SIL1: variants seen among roughly 807,000 people sequenced by gnomAD.
SIL1 encodes the protein SIL1 nucleotide exchange factor.
Under a neutral mutation model 49.1 loss-of-function variants are expected in SIL1, and 40 were observed. That is an observed-to-expected ratio of 0.81 (90% confidence interval 0.63 to 1.06). SIL1 has a LOEUF of 1.06. SIL1 is among the 50% of genes least tolerant of loss of function. The pLI, the probability that SIL1 is intolerant of heterozygous loss-of-function variation, is 0.00. For missense variants in SIL1, 500 were observed against 572.6 expected, an observed-to-expected ratio of 0.87 and a Z score of 1.29; for synonymous variants, 253 against 250.8, an observed-to-expected ratio of 1.01 and a Z score of -0.08.
In SIL1 at chr5:139,121,142, C is replaced by T. The variant is rs753735669; in HGVS notation, c.137G>A (p.Ser46Asn). 1 of 1,614,200 alleles carries T rather than the reference C, an allele frequency of 6.2e-7. No homozygotes were observed. Among genetic ancestry groups the T allele is most frequent in the Non-Finnish European group, 8.5e-7 (1 of 1,180,026 alleles). Reference protein sequence around the residue: ...KEFALTNPEKSSTKETERKET... With the variant: ...KEFALTNPEKNSTKETERKET... ...TTTTCTCTCTGTTTCTTTGGTGCTG[C>T]TCTTCTCTGGGTTGGTCAGGGCAAA... The change falls in exon 3 of 10, where the codon AGC becomes AAC. Residue 46 changes from serine (S) to asparagine (N), a missense_variant. Ser to Asn is a conservative substitution (Grantham distance 46). Transcript: ENST00000394817.
intron 1 of SIL1, among the ~76,000 whole-genome samples, chr5:139,136,736 C>T (rs927092075): frequency 6.6e-6 from 1 of 152,036 alleles, no homozygotes; most frequent in African/African-American, 2.4e-5. Context: ...AATGGGTCCA[C>T]TAAATTTTGA....
At chr5:139,020,988 G>A (rs1768512067) in intron 7 of SIL1, 183 bp downstream of exon 7, 1 of 740,688 alleles carries the variant, frequency 1.4e-6, no homozygotes, top group Non-Finnish European at 2.3e-6. Flanking sequence ...GAGAGTCACA[G>A]ATGGTGACAA....
intron 7 of SIL1, chr5:139,016,894 TG>T (rs1265077578): frequency 6.6e-6 from 1 of 152,172 alleles, no homozygotes; most frequent in African/African-American, 2.4e-5. Flanking sequence ...TCACCTAGGC[TG>T]GAGTGCAATG....
chr5:139,102,708 CTTT>C (rs66644479), intron 3 of SIL1, among the ~76,000 whole-genome samples: 11 of 137,976 alleles, frequency 8.0e-5, no homozygotes, highest in Admixed American at 7.2e-5. Flanking sequence ...CTGCTTTTTT[CTTT>C]TTTTTTTTTT....
chr5:139,030,582 T>A (rs1483908315), intron 5 of SIL1, among the ~76,000 whole-genome samples: 1 of 147,678 alleles, frequency 6.8e-6, no homozygotes, highest in Non-Finnish European at 1.5e-5. Context: ...ATCCTGCCAC[T>A]GCACTCCAGC....
chr5:139,170,954 G>T (rs1445866424), intron 1 of SIL1, among the ~76,000 whole-genome samples: 1 of 146,892 alleles, frequency 6.8e-6, no homozygotes, highest in Non-Finnish European at 1.5e-5. Flanking sequence ...GGAGGTGGGG[G>T]GGTCAGTCCC....
chr5:138,984,674 A>G (rs1319681956), intron 7 of SIL1, among the ~76,000 whole-genome samples: 2 of 152,068 alleles, frequency 1.3e-5, no homozygotes, highest in Non-Finnish European at 2.9e-5. Flanking sequence ...TGCATTCTTG[A>G]GGCCTGTGAG....
At chr5:139,020,427 T>C (rs759339115) in intron 7 of SIL1, among the ~76,000 whole-genome samples, 1 of 152,252 alleles carries the variant, frequency 6.6e-6, no homozygotes, top group Non-Finnish European at 1.5e-5. Context: ...CATCTAAGCA[T>C]CTAATAGCCT....
intron 3 of SIL1, among the ~76,000 whole-genome samples, chr5:139,092,403 C>G (rs1357649225): frequency 2.0e-5 from 3 of 152,204 alleles, no homozygotes; most frequent in African/African-American, 7.2e-5. Context: ...TTGAACCCAA[C>G]TGTGATATTT....
At chr5:139,160,073 C>T (rs1387437661) in intron 1 of SIL1, among the ~76,000 whole-genome samples, 1 of 151,784 alleles carries the variant, frequency 6.6e-6, no homozygotes, top group Non-Finnish European at 1.5e-5. Flanking sequence ...CACAGATTCA[C>T]AAATGACAGT....
rs761095369 is a variant in SIL1, at chr5:138,947,221, C to G, written c.1282G>C (p.Glu428Gln). 106 of 1,613,114 alleles carry G rather than the reference C, an allele frequency of 6.6e-5. No homozygotes were observed. The highest frequency in any genetic ancestry group is 1.6e-4 in the Middle Eastern group (1 of 6,084). ...TCCAGGCTGGCCAGCACCTGGTACT[C>G]AGCCTGCAGGCTGGCCAGTGTCCTG... ...LGRTLASLQA[E>Q]YQVLASLELQ... Residue 428 changes from glutamate to glutamine, a missense_variant, in exon 10 of 10, where the codon GAG (glutamate) becomes CAG (glutamine). By Grantham distance (29) the Glu-to-Gln change is conservative. Coordinates refer to ENST00000394817, the MANE Select transcript of SIL1 (RefSeq NM_022464.5). The surrounding 1 kb of genome is among the most constrained non-coding windows in gnomAD (Gnocchi z 4.1).
At chr5:139,170,309 C>T (rs1394475932) in intron 1 of SIL1, among the ~76,000 whole-genome samples, 25 of 151,908 alleles carry the variant, frequency 1.6e-4, no homozygotes, top group African/African-American at 3.1e-4. Context: ...AAGTGAGGAG[C>T]GTCTCTGCTT....
chr5:138,955,570 C>G (rs774121089), intron 7 of SIL1, among the ~76,000 whole-genome samples: 39 of 152,328 alleles, frequency 2.6e-4, no homozygotes, highest in South Asian at 2.1e-4. Flanking sequence ...TGGAAGGGGA[C>G]TGAAGGAGCT....
intron 4 of SIL1, among the ~76,000 whole-genome samples, chr5:139,043,977 G>A (rs1769099808): frequency 6.6e-6 from 1 of 152,160 alleles, no homozygotes; most frequent in Non-Finnish European, 1.5e-5. Flanking sequence ...GAGCACATCA[G>A]TCTCATAGTC....
intron 1 of SIL1, among the ~76,000 whole-genome samples, chr5:139,147,783 G>A (rs1751221497): frequency 6.6e-6 from 1 of 152,204 alleles, no homozygotes; most frequent in African/African-American, 2.4e-5. Context: ...AAATAACTGT[G>A]TTTAATGTCA....
intron 7 of SIL1, among the ~76,000 whole-genome samples, chr5:138,999,107 T>A (rs1057278422): frequency 6.6e-6 from 1 of 152,180 alleles, no homozygotes; most frequent in Non-Finnish European, 1.5e-5. Context: ...AATGCCCACC[T>A]TGGCCTCCCA....
intron 3 of SIL1, among the ~76,000 whole-genome samples, chr5:139,097,232 C>T (rs976171025): frequency 1.3e-5 from 2 of 151,930 alleles, no homozygotes; most frequent in African/African-American, 4.8e-5. Flanking sequence ...ACCTCTAGAG[C>T]GAGGTGCCGT....
intron 7 of SIL1, among the ~76,000 whole-genome samples, chr5:138,998,745 C>T (rs1355774381): frequency 6.6e-6 from 1 of 152,152 alleles, no homozygotes; most frequent in Non-Finnish European, 1.5e-5. Context: ...GGATTTGCCC[C>T]CTGTGATCCA....
intron 1 of SIL1, among the ~76,000 whole-genome samples, chr5:139,188,604 T>C (rs1752116152): frequency 6.6e-6 from 1 of 152,232 alleles, no homozygotes; most frequent in South Asian, 2.1e-4. Context: ...ACAGTCAACT[T>C]GAGCACAAAA....
Sources: allele counts gnomAD v4.1 joint callset (sites outside exome capture counted in the v4.1 genomes callset), GRCh38; gene constraint gnomAD v4.1.1; non-coding constraint Gnocchi (gnomAD v3.1); transcripts MANE v1.5; gene names NCBI Gene and HGNC (gene_info 2026-07-23, HGNC 2026-07-21).